Variants in PAM observed in about 807,000 individuals in gnomAD.
PAM encodes the protein peptidylglycine alpha-amidating monooxygenase.
In PAM, 72 loss-of-function variants were observed where a neutral mutation model predicts 122.1. The ratio of observed to expected loss-of-function variants is 0.59; its 90% CI spans 0.49 to 0.72. PAM has a LOEUF of 0.72. Ranked by LOEUF, PAM falls within the 30% of genes least tolerant of loss-of-function variation. The pLI, the probability that PAM is intolerant of heterozygous loss-of-function variation, is 0.00. For synonymous variants in PAM, 389 were observed against 404.4 expected, an observed-to-expected ratio of 0.96 and a Z score of 0.46; for missense variants, 1,106 against 1,183.7, an observed-to-expected ratio of 0.93 and a Z score of 0.96.
chr5:103,007,192 T>TACACACACACACACACACACACAC (rs56140031), intron 19 of PAM, among the ~76,000 whole-genome samples, 181 bp downstream of exon 19: 48 of 141,540 alleles, frequency 3.4e-4, no homozygotes, highest in Admixed American at 1.4e-3. Flanking sequence ...CACATATACA[T>TACACACACACACACACACACACAC]ACACACACAC....
At chr5:102,848,522 C>G (rs1274502626) in intron 1 of PAM, among the ~76,000 whole-genome samples, 1 of 152,190 alleles carries the variant, frequency 6.6e-6, no homozygotes, top group African/African-American at 2.4e-5. Flanking sequence ...GCTCAGGCCT[C>G]CTCCAGAGCA....
chr5:102,909,533 G>A (rs929391855), intron 4 of PAM, among the ~76,000 whole-genome samples: 2 of 151,776 alleles, frequency 1.3e-5, no homozygotes, highest in African/African-American at 4.8e-5. Context: ...GGGGACTATA[G>A]TCAGAATTAC....
At chr5:102,810,688 C>T (rs557464919) in intron 1 of PAM, among the ~76,000 whole-genome samples, 40 of 152,072 alleles carry the variant, frequency 2.6e-4, no homozygotes, top group Non-Finnish European at 4.3e-4. Context: ...ATTAGTCAGG[C>T]GTGGTGGCGC....
At chr5:102,872,016 T>C (rs988477362) in intron 3 of PAM, among the ~76,000 whole-genome samples, 5 of 152,124 alleles carry the variant, frequency 3.3e-5, no homozygotes, top group African/African-American at 9.6e-5. Context: ...AAGCCTTATA[T>C]TAATTGAATT....
intron 1 of PAM, among the ~76,000 whole-genome samples, chr5:102,840,335 C>T (rs900804820): frequency 6.6e-6 from 1 of 151,996 alleles, no homozygotes; most frequent in Non-Finnish European, 1.5e-5. Flanking sequence ...AGAGAATAAT[C>T]ATTATGATTA....
intron 1 of PAM, among the ~76,000 whole-genome samples, chr5:102,862,531 A>C (rs1477514364): frequency 6.6e-6 from 1 of 152,146 alleles, no homozygotes; most frequent in Non-Finnish European, 1.5e-5. Flanking sequence ...AGAAAATGAA[A>C]TTTACAGTTT....
intron 3 of PAM, among the ~76,000 whole-genome samples, chr5:102,869,131 C>T (rs182063408): frequency 6.6e-6 from 1 of 152,324 alleles, no homozygotes; most frequent in East Asian, 1.9e-4. Flanking sequence ...TTCCCAAGAG[C>T]TTCCTACCCA....
chr5:102,758,246 G>C (rs1291265032), intron 1 of PAM, among the ~76,000 whole-genome samples: 1 of 151,892 alleles, frequency 6.6e-6, no homozygotes, highest in African/African-American at 2.4e-5. Context: ...TTATCTATCT[G>C]CTATGTGCAG....
chr5:103,014,821 A>G (rs1012579612), intron 21 of PAM, among the ~76,000 whole-genome samples: 18 of 152,206 alleles, frequency 1.2e-4, no homozygotes, highest in Non-Finnish European at 2.2e-4. Context: ...TGTGAGAGAA[A>G]AATACACATT....
intron 3 of PAM, among the ~76,000 whole-genome samples, chr5:102,885,995 G>A (rs1581330556): frequency 6.6e-6 from 1 of 152,010 alleles, no homozygotes; most frequent in Non-Finnish European, 1.5e-5. Context: ...GGAAGACCTT[G>A]TATCATTTAT....
At chr5:102,761,129 T>G (rs537979650) in intron 1 of PAM, among the ~76,000 whole-genome samples, 23 of 152,210 alleles carry the variant, frequency 1.5e-4, no homozygotes, top group Non-Finnish European at 2.6e-4. Context: ...TGGTGTGGTC[T>G]CACAGAAAGG....
chr5:102,759,474 A>G (rs1217447287), intron 1 of PAM, among the ~76,000 whole-genome samples: 1 of 152,102 alleles, frequency 6.6e-6, no homozygotes, highest in Non-Finnish European at 1.5e-5. Context: ...AAAAGTAGAT[A>G]CTCATTTCAG....
chr5:102,856,242 A>G (rs1782584778), intron 1 of PAM, among the ~76,000 whole-genome samples: 1 of 152,178 alleles, frequency 6.6e-6, no homozygotes, highest in Non-Finnish European at 1.5e-5. Flanking sequence ...CCCTGACTCA[A>G]CAATGTTTCA....
chr5:103,006,252 A>AT (rs934019204), intron 18 of PAM, among the ~76,000 whole-genome samples: 2 of 151,744 alleles, frequency 1.3e-5, no homozygotes, highest in Non-Finnish European at 2.9e-5. Flanking sequence ...TCTTATTTCT[A>AT]TTTTTTTACT....
chr5:102,801,851 T>C (rs981173401), intron 1 of PAM, among the ~76,000 whole-genome samples: 1 of 141,804 alleles, frequency 7.1e-6, no homozygotes, highest in Admixed American at 7.5e-5. Context: ...CGATCTCGGC[T>C]CACTGCAAGC....
chr5:102,950,607 TAA>T, intron 11 of PAM, 108 bp from the exon 12 acceptor site: 1 of 674,984 alleles, frequency 1.5e-6, no homozygotes, highest in South Asian at 1.8e-5. Context: ...CCTTCATGAT[TAA>T]ACCCTCAAAA....
At chr5:102,845,765 C>G (rs1779801681) in intron 1 of PAM, among the ~76,000 whole-genome samples, 1 of 152,096 alleles carries the variant, frequency 6.6e-6, no homozygotes, top group African/African-American at 2.4e-5. Flanking sequence ...TTTTATCAGG[C>G]TTTATGCAAG....
At chr5:102,883,475 T>C (rs1791970122) in intron 3 of PAM, among the ~76,000 whole-genome samples, 1 of 151,972 alleles carries the variant, frequency 6.6e-6, no homozygotes, top group Non-Finnish European at 1.5e-5. Flanking sequence ...TTTACAGCTA[T>C]TGTAAAAGGG....
chr5:102,852,682 A>G (rs1268874763), intron 1 of PAM, among the ~76,000 whole-genome samples: 1 of 152,166 alleles, frequency 6.6e-6, no homozygotes, highest in Non-Finnish European at 1.5e-5. Context: ...TAAAATATAA[A>G]ATAAAATTTA....
Sources: allele counts gnomAD v4.1 joint callset (sites outside exome capture counted in the v4.1 genomes callset), GRCh38; gene constraint gnomAD v4.1.1; transcripts MANE v1.5; gene names NCBI Gene and HGNC (gene_info 2026-07-23, HGNC 2026-07-21).